The following DSE variants were observed in gnomAD, a reference collection of about 807,000 sequenced individuals.
DSE encodes dermatan sulfate epimerase.
A neutral mutation model predicts 84.4 loss-of-function variants in DSE; 36 were observed. That is an observed-to-expected ratio of 0.43 (90% CI 0.33 to 0.56). The LOEUF is 0.56. DSE is among the 20% of genes least tolerant of loss of function. The pLI, the probability that DSE is intolerant of heterozygous loss-of-function variation, is 0.06. For missense variants in DSE, 862 were observed against 1,169.6 expected (o/e 0.74, Z 3.84); for synonymous variants, 410 against 430.1 (o/e 0.95, Z 0.58).
intron 2 of DSE, among the ~76,000 whole-genome samples, chr6:116,408,961 T>A (rs562910365): frequency 6.6e-6 from 1 of 152,334 alleles, no homozygotes; most frequent in Non-Finnish European, 1.5e-5. Flanking sequence ...TTTGTTGGAA[T>A]TAAGAGCAAG....
intron 2 of DSE, chr6:116,279,042 G>A (rs1159811966): frequency 1.9e-6 from 3 of 1,613,408 alleles, no homozygotes; most frequent in Non-Finnish European, 2.5e-6. Flanking sequence ...GCTCCAGGTA[G>A]TGTCGACGCA....
chr6:116,355,649 T>C (rs537593173), intron 2 of DSE: 120 of 152,328 alleles, frequency 7.9e-4, no homozygotes, highest in African/African-American at 2.8e-3. Flanking sequence ...TGATATGTTA[T>C]CTCAACTAAT....
At chr6:116,377,071 CTT>C (rs1160423300) in intron 1 of DSE, among the ~76,000 whole-genome samples, 4 of 152,182 alleles carry the variant, frequency 2.6e-5, no homozygotes, top group African/African-American at 9.7e-5. Flanking sequence ...CATTCATGCT[CTT>C]TTAGTAGAAA....
At chr6:116,286,757 A>AT (rs1216042737) in intron 2 of DSE, among the ~76,000 whole-genome samples, 1 of 152,186 alleles carries the variant, frequency 6.6e-6, no homozygotes, top group African/African-American at 2.4e-5. Flanking sequence ...GGAGACTGAT[A>AT]TGGGTATGTT....
At chr6:116,370,925 C>G (rs1178381403), upstream of DSE, 3 of 985,358 alleles carry the variant, frequency 3.0e-6, no homozygotes, top group African/African-American at 5.2e-5. Context: ...CACACCTACC[C>G]GCCCCCGCCG....
At chr6:116,316,731 A>G (rs1775998436) in intron 2 of DSE, among the ~76,000 whole-genome samples, 1 of 151,984 alleles carries the variant, frequency 6.6e-6, no homozygotes, top group South Asian at 2.1e-4. Context: ...TCCTGAAACT[A>G]ATTACAGAAA....
upstream of DSE, chr6:116,369,883 GAAAAGC>G (rs1467400594): frequency 3.4e-5 from 44 of 1,288,762 alleles, no homozygotes; most frequent in Admixed American, 7.3e-4. Context: ...AACTCATGGA[GAAAAGC>G]ACTGCTCCCA....
At chr6:116,278,498 G>A in intron 2 of DSE, 1 of 1,613,646 alleles carries the variant, frequency 6.2e-7, no homozygotes, top group Non-Finnish European at 8.5e-7. Flanking sequence ...TTGTGCAGGA[G>A]TATTCCCAAG....
chr6:116,441,454 C>T lies in DSE; in HGVS notation c.*4109C>T, dbSNP rs992716015. The T allele has an allele frequency of 3.9e-5, 6 of 152,118 alleles. No individual in the cohort carries two copies. The highest frequency in any genetic ancestry group is 1.4e-4 in the African/African-American group (6 of 41,422). The allele number at this position is 152,118 out of a possible 1,614,324, so 9.4% of individuals were successfully genotyped here. On this transcript the variant is annotated 3_prime_UTR_variant, in exon 6 of 6. Transcript: ENST00000644252. ...CTTAGTTTGTACTTCCCAGAAGTAA[C>T]CAATTTCTAATTCTTTTGGCTGTTA...
intron 2 of DSE, chr6:116,279,889 G>A: frequency 2.5e-6 from 4 of 1,610,296 alleles, no homozygotes; most frequent in East Asian, 2.2e-5. Context: ...GGCCGAACTG[G>A]GAGCTAACCG....
At chr6:116,336,640 A>G (rs2114805492) in intron 2 of DSE, among the ~76,000 whole-genome samples, 1 of 151,986 alleles carries the variant, frequency 6.6e-6, no homozygotes, top group East Asian at 1.9e-4. Context: ...TTGTAGTCCC[A>G]GCTACTCGGG....
intron 2 of DSE, among the ~76,000 whole-genome samples, chr6:116,271,002 T>C (rs921469741): frequency 2.6e-5 from 4 of 152,230 alleles, no homozygotes; most frequent in Non-Finnish European, 5.9e-5. Flanking sequence ...TTTGTTGAGA[T>C]TGTGAAGACA....
chr6:116,368,165 G>A (rs2858849), upstream of DSE, among the ~76,000 whole-genome samples: 3,395 of 152,240 alleles, frequency 0.022, 135 homozygotes, highest in African/African-American at 0.078. Flanking sequence ...TAATCCTTCA[G>A]CTAAGGTGAG....
chr6:116,414,564 C>T (rs900661855), intron 2 of DSE, among the ~76,000 whole-genome samples: 3 of 152,140 alleles, frequency 2.0e-5, no homozygotes, highest in African/African-American at 7.2e-5. Context: ...AGGCATGTGC[C>T]ACCACGCCCA....
intron 2 of DSE, among the ~76,000 whole-genome samples, chr6:116,272,366 T>TG (rs1194245113): frequency 6.6e-6 from 1 of 152,226 alleles, no homozygotes; most frequent in Non-Finnish European, 1.5e-5. Context: ...CAAATAGTGA[T>TG]CAACAGAAGT....
upstream of DSE, among the ~76,000 whole-genome samples, chr6:116,365,571 C>G (rs1357405321): frequency 6.6e-6 from 1 of 152,180 alleles, no homozygotes; most frequent in South Asian, 2.1e-4. Flanking sequence ...TTAAAGCTCT[C>G]CAGATGGTTC....
rs544894445 is a variant in DSE, at chr6:116,376,529, G to A, written c.-54+5408G>A. ...AGGCGATCTGTTTATTTCTTGAATG[G>A]AGTAGTTTGTTCAGTCTTTAATTCA... On this transcript the variant is annotated intron_variant, in intron 1 of 5. Coordinates refer to ENST00000644252, the MANE Select transcript of DSE (RefSeq NM_013352.4). 3.3e-5 allele frequency among the ~76,000 whole-genome samples: 5 copies of A among 152,344 alleles called. No individual in the cohort carries two copies. The East Asian group carries it at 5.8e-4, about 18-fold the overall frequency.
chr6:116,367,909 C>CT (rs1346873072), upstream of DSE, among the ~76,000 whole-genome samples: 5 of 152,088 alleles, frequency 3.3e-5, no homozygotes, highest in Non-Finnish European at 7.4e-5. Flanking sequence ...CAGTTTTTGC[C>CT]TTAGTCTGAA....
At chr6:116,254,676 G>C (rs916593937) in intron 1 of DSE, among the ~76,000 whole-genome samples, 1 of 152,216 alleles carries the variant, frequency 6.6e-6, no homozygotes, top group African/African-American at 2.4e-5. Flanking sequence ...TACAAAACAA[G>C]TGGACAATAT....
Sources: gnomAD v4.1 joint callset for allele counts (sites outside exome capture counted in the v4.1 genomes callset) on GRCh38, gnomAD v4.1.1 for gene constraint, MANE v1.5 for transcripts, NCBI Gene and HGNC (gene_info 2026-07-23, HGNC 2026-07-21) for gene names.